Variants in RTN4RL1 observed in about 807,000 individuals in gnomAD.
RTN4RL1 encodes reticulon-4 receptor-like 1.
Under a neutral mutation model 25.6 loss-of-function variants are expected in RTN4RL1, and 7 were observed. That is an observed-to-expected ratio of 0.27 (90% CI 0.16 to 0.51). The LOEUF (loss-of-function observed/expected upper bound fraction) is 0.51. Among genes scored for constraint, RTN4RL1 ranks in the 20% least tolerant of loss-of-function variants. The pLI is 0.97. For missense variants in RTN4RL1, 500 were observed against 615.6 expected (o/e 0.81, Z 1.99); for synonymous variants, 297 against 288.2 (o/e 1.03, Z -0.31).
intron 1 of RTN4RL1, among the ~76,000 whole-genome samples, chr17:1,956,928 C>T (rs192213865): frequency 1.5e-3 from 232 of 152,084 alleles, no homozygotes; most frequent in South Asian, 8.5e-3. Flanking sequence ...TGAGTACAGA[C>T]GGGTTTTCAC....
intron 1 of RTN4RL1, among the ~76,000 whole-genome samples, chr17:1,972,702 C>G (rs1230269961): frequency 1.3e-5 from 2 of 152,234 alleles, no homozygotes; most frequent in African/African-American, 2.4e-5. Flanking sequence ...GACTCAGCCG[C>G]AAGTGCCTCG....
intron 1 of RTN4RL1, among the ~76,000 whole-genome samples, chr17:1,960,160 C>T (rs146175799): frequency 1.8e-4 from 28 of 151,968 alleles, no homozygotes; most frequent in African/African-American, 6.3e-4. Flanking sequence ...CGTCAAAATA[C>T]ATCCCAAATT....
At chr17:1,974,584 C>T (rs1186742630) in intron 1 of RTN4RL1, among the ~76,000 whole-genome samples, 1 of 152,092 alleles carries the variant, frequency 6.6e-6, no homozygotes, top group African/African-American at 2.4e-5. Context: ...GGCAAGAACC[C>T]ACTGGTGTTA....
intron 1 of RTN4RL1, among the ~76,000 whole-genome samples, chr17:2,011,710 A>C (rs140280289): frequency 0.01 from 1,552 of 152,264 alleles, 32 homozygotes; most frequent in African/African-American, 0.036. Flanking sequence ...GAATCTCTGC[A>C]ATCAGAATTG....
chr17:1,940,880 T>C (rs1915424546), intron 1 of RTN4RL1, among the ~76,000 whole-genome samples: 1 of 152,174 alleles, frequency 6.6e-6, no homozygotes, highest in South Asian at 2.1e-4. Context: ...TCACTGCTTC[T>C]CATCCCACAT....
At chr17:2,017,938 T>G (rs1419061401) in intron 1 of RTN4RL1, 1 of 152,366 alleles carries the variant, frequency 6.6e-6, no homozygotes, top group Non-Finnish European at 1.5e-5. Flanking sequence ...CTCTCTGCCT[T>G]GTTTCATCTT....
In RTN4RL1 at chr17:1,994,327, C is replaced by T. The variant is rs2066921120; in HGVS notation, c.13+30526G>A. Among the ~76,000 whole-genome samples the T allele has an allele frequency of 6.6e-6, 1 of 151,996 alleles. No individual in the cohort carries two copies. The highest frequency in any genetic ancestry group is 2.1e-4 in the South Asian group (1 of 4,818). On this transcript the variant is annotated intron_variant, in intron 1 of 1. Coordinates refer to ENST00000331238, the MANE Select transcript of RTN4RL1 (RefSeq NM_178568.4). This position sits in a 1 kb window ranked among gnomAD's most constrained non-coding sequence, Gnocchi z 4.3. The stretch of plus-strand genomic sequence containing the variant: ...GGCCAGCAACTAGATGCCTTGGGGG[C>T]ACAGCCATGTCTCCCCTGTGCTGAG...
intron 1 of RTN4RL1, among the ~76,000 whole-genome samples, chr17:1,942,229 A>G (rs143819322): frequency 2.0e-3 from 306 of 152,246 alleles, no homozygotes; most frequent in Non-Finnish European, 3.6e-3. Flanking sequence ...GGGTATCCCC[A>G]AACCTCCTGG....
chr17:1,991,321 TG>T (rs1442547790), intron 1 of RTN4RL1, among the ~76,000 whole-genome samples: 1 of 150,598 alleles, frequency 6.6e-6, no homozygotes, highest in Non-Finnish European at 1.5e-5. Flanking sequence ...AGAATCAGGG[TG>T]GTAGGACCGG....
chr17:1,963,445 C>G (rs868448780), intron 1 of RTN4RL1, among the ~76,000 whole-genome samples: 2 of 152,356 alleles, frequency 1.3e-5, no homozygotes, highest in Non-Finnish European at 1.5e-5. Context: ...GCAGCTCCCC[C>G]ACCTTCTCTC....
Position 1,937,759 on chromosome 17 carries a change from C to A in RTN4RL1, c.63G>T (p.Leu21=). The A allele has an allele frequency of 3.7e-6, 6 of 1,605,052 alleles. No homozygotes were observed. The highest frequency in any genetic ancestry group is 4.2e-6 in the Non-Finnish European group (5 of 1,179,084). The change falls in exon 2 of 2, where the codon CTG becomes CTT. Residue 21 remains leucine (L), a synonymous_variant. Transcript: ENST00000331238. ...LLLLVAAELP[L]GGGCPRDCVC... ...CACAGTCCCGTGGGCAGCCACCACC[C>A]AGGGGCAGCTCCGCAGCTACCAACA...
At chr17:1,940,807 G>A (rs368483891) in intron 1 of RTN4RL1, among the ~76,000 whole-genome samples, 124 of 152,208 alleles carry the variant, frequency 8.1e-4, no homozygotes, top group African/African-American at 2.8e-3. Flanking sequence ...CCAGGGAGCC[G>A]CCCCGCTCTG....
intron 1 of RTN4RL1, among the ~76,000 whole-genome samples, chr17:1,968,467 G>A (rs530048663): frequency 1.1e-4 from 17 of 152,060 alleles, no homozygotes; most frequent in East Asian, 9.7e-4. Flanking sequence ...CTTCTCTATC[G>A]GAGTTTTTCT....
At chr17:1,985,764 C>A (rs760278468) in intron 1 of RTN4RL1, among the ~76,000 whole-genome samples, 1 of 152,098 alleles carries the variant, frequency 6.6e-6, no homozygotes, top group Non-Finnish European at 1.5e-5. Context: ...ACCAAATGAG[C>A]CCTGGAGGAG....
At chr17:1,955,668 C>T (rs888003760) in intron 1 of RTN4RL1, among the ~76,000 whole-genome samples, 15 of 151,880 alleles carry the variant, frequency 9.9e-5, no homozygotes, top group Middle Eastern at 3.2e-3. Context: ...ACTGCAACCT[C>T]CACCTCCCGG....
At chr17:1,951,530 C>T (rs1341213906) in intron 1 of RTN4RL1, among the ~76,000 whole-genome samples, 1 of 151,970 alleles carries the variant, frequency 6.6e-6, no homozygotes, top group Non-Finnish European at 1.5e-5. Context: ...CGGCTCACTG[C>T]AACCTCTGCC....
chr17:1,961,420 G>A (rs1397084011), intron 1 of RTN4RL1, among the ~76,000 whole-genome samples: 3 of 152,182 alleles, frequency 2.0e-5, no homozygotes, highest in Admixed American at 6.5e-5. Flanking sequence ...TAGGAGTCAC[G>A]TGACGGCCTC....
At chr17:1,997,724 C>A (rs2066935634) in intron 1 of RTN4RL1, among the ~76,000 whole-genome samples, 1 of 152,216 alleles carries the variant, frequency 6.6e-6, no homozygotes, top group Non-Finnish European at 1.5e-5. Flanking sequence ...GCTGCCCCTG[C>A]CCCACCCAGG....
intron 1 of RTN4RL1, among the ~76,000 whole-genome samples, chr17:1,943,465 C>T (rs1915479631): frequency 6.6e-6 from 1 of 152,246 alleles, no homozygotes. Flanking sequence ...GCCCCCTGGG[C>T]AGGGCCGTGG....
Sources: gnomAD v4.1 joint callset for allele counts (sites outside exome capture counted in the v4.1 genomes callset) on GRCh38, gnomAD v4.1.1 for gene constraint, Gnocchi (gnomAD v3.1) non-coding constraint, MANE v1.5 for transcripts, NCBI Gene and HGNC (gene_info 2026-07-23, HGNC 2026-07-21) for gene names.